Variants in DOCK1 observed in about 807,000 individuals in gnomAD.
DOCK1 encodes the protein dedicator of cytokinesis 1.
DOCK1 carries 138 observed loss-of-function variants against 262.7 expected under a neutral mutation model. The observed-to-expected ratio is 0.53, with a 90% CI of 0.46 to 0.61. DOCK1 has a LOEUF of 0.61. Among genes scored for constraint, DOCK1 ranks in the 20% least tolerant of loss-of-function variants. The pLI is 0.00. For missense variants in DOCK1, 1,908 were observed against 2,370.7 expected (o/e 0.80, Z 4.05); for synonymous variants, 866 against 867.4 (o/e 1.00, Z 0.03).
intron 16 of DOCK1, among the ~76,000 whole-genome samples, chr10:127,028,867 G>A (rs914386787): frequency 6.6e-6 from 1 of 152,182 alleles, no homozygotes; most frequent in East Asian, 1.9e-4. Flanking sequence ...GGCCAGCCTA[G>A]TGGGCTGCAG....
At chr10:127,044,481 G>A (rs956120152) in intron 21 of DOCK1, among the ~76,000 whole-genome samples, 4 of 152,156 alleles carry the variant, frequency 2.6e-5, no homozygotes, top group African/African-American at 9.7e-5. Flanking sequence ...TGGGCATGTC[G>A]AGTAGTTCCT....
At chr10:127,009,580 G>C (rs561988759) in intron 11 of DOCK1, among the ~76,000 whole-genome samples, 1 of 152,148 alleles carries the variant, frequency 6.6e-6, no homozygotes, top group Non-Finnish European at 1.5e-5. Flanking sequence ...CCTCCTGGGC[G>C]TGGGGTTGGG....
At chr10:126,939,274 G>A (rs1451760287) in intron 1 of DOCK1, among the ~76,000 whole-genome samples, 1 of 152,120 alleles carries the variant, frequency 6.6e-6, no homozygotes, top group East Asian at 1.9e-4. Flanking sequence ...CATTTAAAAC[G>A]ATGACATTGG....
chr10:127,006,278 C>G (rs1167486199), intron 10 of DOCK1, among the ~76,000 whole-genome samples: 1 of 152,220 alleles, frequency 6.6e-6, no homozygotes, highest in Non-Finnish European at 1.5e-5. Context: ...GCTCTCCTGC[C>G]TGTGCTGGCC....
At position 127,051,669 on chromosome 10, in the gene DOCK1, G is replaced by C. The variant is rs188162658; in HGVS notation, c.2202-1012G>C. 3.2e-3 allele frequency among the ~76,000 whole-genome samples: 480 copies of C among 152,224 alleles called. 1 individual carries two copies. Among genetic ancestry groups the C allele is most frequent in the Non-Finnish European group, 5.2e-3 (354 of 68,010 alleles). On this transcript the variant is annotated intron_variant, in intron 21 of 51. Coordinates refer to ENST00000623213, the MANE Select transcript of DOCK1 (RefSeq NM_001290223.2). ...GCGATCTTGGCTCACTGCAACCTCT[G>C]CTTCCTGGACTCAAGTGATTCTCTT...
At chr10:127,271,045 A>G (rs2135178623) in intron 29 of DOCK1, among the ~76,000 whole-genome samples, 1 of 152,130 alleles carries the variant, frequency 6.6e-6, no homozygotes, top group African/African-American at 2.4e-5. Flanking sequence ...ACACATATAT[A>G]AATGTATCTG....
At chr10:126,932,557 G>C (rs972768020) in intron 1 of DOCK1, among the ~76,000 whole-genome samples, 1 of 152,156 alleles carries the variant, frequency 6.6e-6, no homozygotes, top group Admixed American at 6.5e-5. Context: ...ATATGTGGCC[G>C]TGTGGGACTC....
At chr10:126,905,956 G>A (rs1340720568) in intron 1 of DOCK1, among the ~76,000 whole-genome samples, 2 of 152,144 alleles carry the variant, frequency 1.3e-5, no homozygotes, top group Non-Finnish European at 2.9e-5. Context: ...AGGGGTCACT[G>A]TCTCGCGGCG....
chr10:126,973,940 C>A (rs2038308962), intron 2 of DOCK1, among the ~76,000 whole-genome samples: 1 of 152,108 alleles, frequency 6.6e-6, no homozygotes, highest in Non-Finnish European at 1.5e-5. Context: ...GCTATAATTT[C>A]TAGATGATAA....
chr10:127,208,148 G>GA (rs1233813743), intron 27 of DOCK1, among the ~76,000 whole-genome samples: 4 of 152,196 alleles, frequency 2.6e-5, no homozygotes, highest in Middle Eastern at 6.3e-3. Flanking sequence ...AAACAATTGG[G>GA]AATAGTAATG....
chr10:127,425,634 T>C (rs1433572143), intron 46 of DOCK1, among the ~76,000 whole-genome samples: 1 of 152,200 alleles, frequency 6.6e-6, no homozygotes, highest in East Asian at 1.9e-4. Context: ...TCTGGGAAAT[T>C]AACTGAGTAG....
chr10:127,123,968 T>C (rs2049781912), intron 25 of DOCK1, among the ~76,000 whole-genome samples: 1 of 152,254 alleles, frequency 6.6e-6, no homozygotes, highest in Non-Finnish European at 1.5e-5. Context: ...ACAAAACTTC[T>C]TGTAAAAATG....
chr10:127,067,352 A>T (rs2045938531), intron 23 of DOCK1, among the ~76,000 whole-genome samples: 1 of 152,194 alleles, frequency 6.6e-6, no homozygotes, highest in Non-Finnish European at 1.5e-5. Context: ...ACCTTCCCTT[A>T]GGATGACCCT....
chr10:127,361,988 G>A, intron 32 of DOCK1, 76 bp from the exon 33 acceptor site: 1 of 1,431,678 alleles, frequency 7.0e-7, no homozygotes, highest in Non-Finnish European at 9.3e-7. Context: ...TCTGTGTTGT[G>A]TTGTTTTATC....
rs939036336 is a variant in DOCK1 at position 126,933,465 on chromosome 10, A to G, written c.46+27902A>G. Among the ~76,000 whole-genome samples, 24 of 152,168 alleles carry G rather than the reference A, an allele frequency of 1.6e-4. 1 individual carries two copies. Among genetic ancestry groups the G allele is most frequent in the African/African-American group, 4.6e-4 (19 of 41,436 alleles). ...GCCTCCTGCCTGTAAAAGTTAAACAATGTAAGAATGCACAAGGATTCTGTA... is the reference window on the plus strand; with the variant it reads ...GCCTCCTGCCTGTAAAAGTTAAACAGTGTAAGAATGCACAAGGATTCTGTA... On this transcript the variant is annotated intron_variant, in intron 1 of 51. Coordinates refer to ENST00000623213, the MANE Select transcript of DOCK1 (RefSeq NM_001290223.2).
chr10:127,082,725 C>G (rs1458460307), intron 23 of DOCK1, among the ~76,000 whole-genome samples: 3 of 152,136 alleles, frequency 2.0e-5, no homozygotes, highest in Non-Finnish European at 4.4e-5. Flanking sequence ...CAGCAACTGT[C>G]TGGCTGGAGG....
At chr10:127,145,824 T>C (rs1279359657) in intron 27 of DOCK1, 4 of 344,860 alleles carry the variant, frequency 1.2e-5, no homozygotes, top group Non-Finnish European at 2.3e-5. Context: ...AACGTAGCAG[T>C]GATAGTTCTC....
chr10:127,418,704 G>A (rs2068310024), intron 45 of DOCK1, among the ~76,000 whole-genome samples, 163 bp downstream of exon 45: 2 of 152,226 alleles, frequency 1.3e-5, no homozygotes, highest in African/African-American at 2.4e-5. Context: ...GGCCCCTGAA[G>A]CCTGCAGCAA....
chr10:127,263,054 T>C (rs2060230631), intron 29 of DOCK1, among the ~76,000 whole-genome samples: 1 of 152,066 alleles, frequency 6.6e-6, no homozygotes, highest in South Asian at 2.1e-4. Context: ...CCCAAGAGAG[T>C]GTTAGGAGTT....
Sources: allele counts gnomAD v4.1 joint callset (sites outside exome capture counted in the v4.1 genomes callset), GRCh38; gene constraint gnomAD v4.1.1; transcripts MANE v1.5; gene names NCBI Gene and HGNC (gene_info 2026-07-23, HGNC 2026-07-21).